PDE10A: variants seen among roughly 807,000 people sequenced by gnomAD.
PDE10A encodes phosphodiesterase 10A, also known as cAMP and cAMP-inhibited cGMP 3',5'-cyclic phosphodiesterase 10A.
A neutral mutation model predicts 97.7 loss-of-function variants in PDE10A; 39 were observed. The observed-to-expected ratio is 0.40, with a 90% CI of 0.31 to 0.52. The LOEUF (loss-of-function observed/expected upper bound fraction) is 0.52, where lower values mean the gene tolerates loss of function less well. Ranked by LOEUF, PDE10A falls within the 20% of genes least tolerant of loss-of-function variation. The pLI is 0.56. For missense variants in PDE10A, 731 were observed against 1,047.8 expected, an observed-to-expected ratio of 0.70 and a Z score of 4.17; for synonymous variants, 371 against 376.8, an observed-to-expected ratio of 0.98 and a Z score of 0.18.
At chr6:165,836,217 C>T (rs564284062) in intron 1 of PDE10A, among the ~76,000 whole-genome samples, 3 of 152,286 alleles carry the variant, frequency 2.0e-5, no homozygotes, top group East Asian at 3.9e-4. Context: ...CAAGGCTACA[C>T]CAGACCTCTT....
At chr6:165,460,408 A>C (rs1350697627) in intron 3 of PDE10A, among the ~76,000 whole-genome samples, 1 of 152,244 alleles carries the variant, frequency 6.6e-6, no homozygotes, top group South Asian at 2.1e-4. Flanking sequence ...TGGGAATGGG[A>C]AAAAGTGAAA....
At chr6:165,366,407 T>C (rs965687613) in intron 18 of PDE10A, among the ~76,000 whole-genome samples, 3 of 152,144 alleles carry the variant, frequency 2.0e-5, no homozygotes, top group African/African-American at 7.2e-5. Context: ...AAAGAGTATA[T>C]AATGAAATGG....
chr6:165,840,272 A>G (rs1780225201), intron 1 of PDE10A, among the ~76,000 whole-genome samples: 1 of 151,972 alleles, frequency 6.6e-6, no homozygotes, highest in Admixed American at 6.6e-5. Flanking sequence ...TCACACAGGT[A>G]CCTGCAATCA....
upstream of PDE10A, among the ~76,000 whole-genome samples, chr6:165,666,520 T>C (rs1478021113): frequency 6.6e-6 from 1 of 152,238 alleles, no homozygotes; most frequent in African/African-American, 2.4e-5. Flanking sequence ...AGCAAATTAA[T>C]GTAAATGTCA....
rs1411879532 is a variant in PDE10A, at chr6:165,379,364, C to T, written c.2613G>A (p.Leu871=). 6.2e-7 allele frequency: 1 copy of T among 1,603,474 alleles called. No individual in the cohort carries two copies. Among genetic ancestry groups the T allele is most frequent in the African/African-American group, 1.3e-5 (1 of 74,186 alleles). The change falls in exon 18 of 22, where the codon TTG becomes TTA. Residue 871 remains leucine, a splice_region_variant and synonymous_variant. Transcript: ENST00000539869. ...GAGTGGAGAAGATATTGTGCCCTTC[C>T]AACTAGGGAAAAAATACAAATAAAA... ...HFSQTVSILQ[L]EGHNIFSTLS...
intron 1 of PDE10A, among the ~76,000 whole-genome samples, chr6:165,629,290 A>G (rs80272140): frequency 0.011 from 1,736 of 152,262 alleles, 30 homozygotes; most frequent in African/African-American, 0.039. Context: ...ACAGAATTAG[A>G]ATTCCAGAAA....
At chr6:165,708,009 A>C (rs1246575208) in intron 1 of PDE10A, among the ~76,000 whole-genome samples, 1 of 151,914 alleles carries the variant, frequency 6.6e-6, no homozygotes, top group Non-Finnish European at 1.5e-5. Flanking sequence ...ATTTTTAAAA[A>C]CTCAACACAA....
intron 1 of PDE10A, among the ~76,000 whole-genome samples, chr6:165,842,272 C>T (rs759313645): frequency 6.6e-6 from 1 of 152,124 alleles, no homozygotes; most frequent in African/African-American, 2.4e-5. Flanking sequence ...CTACAGATAA[C>T]AGCGTTGATC....
In PDE10A at chr6:165,661,719, C is replaced by A; in HGVS notation, c.865+228G>T. ...CCTCCCGAGCCGCCCTTCCCCCGAG[C>A]GCTCGCGGAGCCTGGGAAACCCCGG... On this transcript the variant is annotated intron_variant, in intron 1 of 21. Coordinates refer to ENST00000539869, the MANE Select transcript of PDE10A (RefSeq NM_001385079.1). This position sits in a 1 kb window ranked among gnomAD's most constrained non-coding sequence, Gnocchi z 4.8. 2.3e-6 allele frequency: 1 copy of A among 442,038 alleles called. No homozygotes were observed. Among genetic ancestry groups the A allele is most frequent in the South Asian group, 4.4e-5 (1 of 22,492 alleles). 27.4% of individuals were successfully genotyped at this position (442,038 alleles called of 1,614,324 possible).
At chr6:165,586,322 CAT>C (rs1785909115) in intron 1 of PDE10A, among the ~76,000 whole-genome samples, 1 of 152,174 alleles carries the variant, frequency 6.6e-6, no homozygotes, top group African/African-American at 2.4e-5. Flanking sequence ...TGAGATAGTA[CAT>C]GTTTCCATTA....
intron 2 of PDE10A, among the ~76,000 whole-genome samples, chr6:165,539,030 A>G (rs12525567): frequency 0.062 from 9,407 of 152,250 alleles, 526 homozygotes; most frequent in East Asian, 0.33. Context: ...AAACCTGTTT[A>G]AAACTCTGCT....
chr6:165,688,834 ATGAG>A (rs1791194003), intron 1 of PDE10A, among the ~76,000 whole-genome samples: 1 of 152,164 alleles, frequency 6.6e-6, no homozygotes, highest in South Asian at 2.1e-4. Context: ...CTGTGACTGT[ATGAG>A]TGTGTGTATC....
intron 1 of PDE10A, among the ~76,000 whole-genome samples, chr6:165,633,340 AT>A (rs1788721594): frequency 2.0e-5 from 3 of 152,194 alleles, no homozygotes; most frequent in Admixed American, 1.3e-4. Context: ...TGTCCCTGAA[AT>A]GTGGCTCAGA....
intron 1 of PDE10A, among the ~76,000 whole-genome samples, chr6:165,869,174 T>C (rs960690000): frequency 6.6e-6 from 1 of 151,986 alleles, no homozygotes; most frequent in Non-Finnish European, 1.5e-5. Context: ...TCTTTGCAAA[T>C]TACATGATCT....
intron 7 of PDE10A, 67 bp from the exon 8 acceptor site, chr6:165,431,539 AATATACTATATATC>A (rs56194933): frequency 0.34 from 179,969 of 527,304 alleles, 33,578 homozygotes; most frequent in South Asian, 0.48. Context: ...TACTATATAT[AATATACTATATATC>A]ATATGTATAA....
intron 1 of PDE10A, among the ~76,000 whole-genome samples, chr6:165,756,402 C>T (rs1351104023): frequency 6.6e-6 from 1 of 152,090 alleles, no homozygotes; most frequent in Non-Finnish European, 1.5e-5. Context: ...GCATTATTAC[C>T]CACCACCCCT....
intron 17 of PDE10A, among the ~76,000 whole-genome samples, chr6:165,382,038 A>T (rs2128208611): frequency 6.6e-6 from 1 of 152,292 alleles, no homozygotes; most frequent in South Asian, 2.1e-4. Flanking sequence ...TGCATAAATC[A>T]AGCATGAAAT....
chr6:165,502,704 T>C lies in PDE10A; in HGVS notation c.995-20361A>G, dbSNP rs541722621. ...AAGTACTGGTCCACACAACCACCTA[T>C]GCAAATCCTACAAACATCATGCTAG... On this transcript the variant is annotated intron_variant, in intron 2 of 21. Transcript: ENST00000539869. 8.7e-4 allele frequency among the ~76,000 whole-genome samples: 133 copies of C among 152,334 alleles called. 2 individuals carry two copies. Among genetic ancestry groups the C allele is most frequent in the Middle Eastern group, 3.4e-3 (1 of 294 alleles).
intron 5 of PDE10A, among the ~76,000 whole-genome samples, chr6:165,442,472 C>T (rs1057400976): frequency 6.6e-6 from 1 of 152,032 alleles, no homozygotes; most frequent in Non-Finnish European, 1.5e-5. Context: ...ATAATCACAG[C>T]GGAAGGGAAA....
Sources: gnomAD v4.1 joint callset for allele counts (sites outside exome capture counted in the v4.1 genomes callset) on GRCh38, gnomAD v4.1.1 for gene constraint, Gnocchi (gnomAD v3.1) non-coding constraint, MANE v1.5 for transcripts, NCBI Gene and HGNC (gene_info 2026-07-23, HGNC 2026-07-21) for gene names.